ANKH: variants seen among roughly 807,000 people sequenced by gnomAD.
The protein encoded by ANKH is ANKH inorganic pyrophosphate transport regulator.
ANKH carries 15 observed loss-of-function variants against 49.0 expected under a neutral mutation model. The observed-to-expected ratio is 0.31, with a 90% CI of 0.20 to 0.47. The LOEUF (loss-of-function observed/expected upper bound fraction) is 0.47. Ranked by LOEUF, ANKH falls within the 20% of genes least tolerant of loss-of-function variation. The pLI, the probability that ANKH is intolerant of heterozygous loss-of-function variation, is 1.00. For missense variants in ANKH, 429 were observed against 652.0 expected (o/e 0.66, Z 3.72); for synonymous variants, 273 against 260.0 (o/e 1.05, Z -0.48).
intron 1 of ANKH, among the ~76,000 whole-genome samples, chr5:14,771,158 C>T (rs1561047741): frequency 6.6e-6 from 1 of 152,194 alleles, no homozygotes; most frequent in African/African-American, 2.4e-5. Flanking sequence ...AGAGGAAAGA[C>T]TGAATACAAC....
Position 14,705,583 on chromosome 5 carries a change from C to T in ANKH, c.*5614G>A, listed in dbSNP as rs1736916175. Reference sequence around the variant, plus strand: ...TGGCTCTTGTCCACTTTCCCGAAGCCCTTTGATTAACTCCTTGGCCCTACT... The same window carrying T: ...TGGCTCTTGTCCACTTTCCCGAAGCTCTTTGATTAACTCCTTGGCCCTACT... On this transcript the variant is annotated 3_prime_UTR_variant, in exon 12 of 12. Coordinates refer to ENST00000284268, the MANE Select transcript of ANKH (RefSeq NM_054027.6). The T allele has an allele frequency of 6.6e-6, 1 of 152,286 alleles. No homozygotes were observed. Among genetic ancestry groups the T allele is most frequent in the Non-Finnish European group, 1.5e-5 (1 of 68,048 alleles). The allele number at this position is 152,286 out of a possible 1,614,324, so 9.4% of individuals were successfully genotyped here.
chr5:14,837,185 A>G (rs1741679937), intron 1 of ANKH, among the ~76,000 whole-genome samples: 1 of 152,218 alleles, frequency 6.6e-6, no homozygotes, highest in Non-Finnish European at 1.5e-5. Context: ...AACCTAGGCA[A>G]TACCATTCAG....
chr5:14,716,195 A>G (rs1307930508), intron 9 of ANKH, among the ~76,000 whole-genome samples: 1 of 152,124 alleles, frequency 6.6e-6, no homozygotes, highest in Non-Finnish European at 1.5e-5. Context: ...TTTTGTAATC[A>G]CTGCACTTTT....
rs1267077422 is a variant in ANKH at position 14,737,326 on chromosome 5, C to T, written c.1011+4501G>A. Among the ~76,000 whole-genome samples, 1 of 152,138 alleles carries T rather than the reference C, an allele frequency of 6.6e-6. No homozygotes were observed. The highest frequency in any genetic ancestry group is 2.4e-5 in the African/African-American group (1 of 41,434). ...GAGTCCAGGAGGGCACCATGATAGG[C>T]CCCAGGGGTTTGTAGGAGGCTGGGT... On this transcript the variant is annotated intron_variant, in intron 8 of 11. Coordinates refer to ENST00000284268, the MANE Select transcript of ANKH (RefSeq NM_054027.6). This position sits in a 1 kb window ranked among gnomAD's most constrained non-coding sequence, Gnocchi z 5.0.
intron 1 of ANKH, among the ~76,000 whole-genome samples, chr5:14,817,852 T>C (rs1741084342): frequency 6.6e-6 from 1 of 152,070 alleles, no homozygotes; most frequent in Non-Finnish European, 1.5e-5. Context: ...AAAAGCAAGA[T>C]TTAAAGTAAC....
chr5:14,773,395 C>G (rs949871932), intron 1 of ANKH, among the ~76,000 whole-genome samples: 1 of 136,600 alleles, frequency 7.3e-6, no homozygotes, highest in South Asian at 2.3e-4. Flanking sequence ...AACACACCAG[C>G]CTGGGCTGAG....
At chr5:14,777,310 A>G (rs1480062083) in intron 1 of ANKH, among the ~76,000 whole-genome samples, 1 of 152,028 alleles carries the variant, frequency 6.6e-6, no homozygotes, top group Non-Finnish European at 1.5e-5. Flanking sequence ...AAACAAACAA[A>G]AACACCAAAC....
chr5:14,719,377 G>A (rs1737592233), intron 8 of ANKH, among the ~76,000 whole-genome samples: 1 of 152,228 alleles, frequency 6.6e-6, no homozygotes, highest in Admixed American at 6.5e-5. Flanking sequence ...GCCAAGGCAA[G>A]TGAGCCATGG....
At chr5:14,722,336 C>T (rs1225540677) in intron 8 of ANKH, among the ~76,000 whole-genome samples, 4 of 152,168 alleles carry the variant, frequency 2.6e-5, no homozygotes, top group Non-Finnish European at 5.9e-5. Context: ...AGTTTGCTGT[C>T]AATATTCTGT....
At chr5:14,833,248 G>A (rs57291145) in intron 1 of ANKH, among the ~76,000 whole-genome samples, 3,175 of 152,284 alleles carry the variant, frequency 0.021, 101 homozygotes, top group African/African-American at 0.072. Context: ...AGTTCTATCA[G>A]AGGAATTAAG....
At chr5:14,722,068 T>C (rs1018484202) in intron 8 of ANKH, among the ~76,000 whole-genome samples, 11 of 151,286 alleles carry the variant, frequency 7.3e-5, no homozygotes, top group African/African-American at 9.7e-5. Flanking sequence ...ATTTAACAAG[T>C]CCATTTGAAA....
intron 9 of ANKH, among the ~76,000 whole-genome samples, chr5:14,715,826 C>T (rs1682304037): frequency 6.6e-6 from 1 of 152,210 alleles, no homozygotes; most frequent in South Asian, 2.1e-4. Context: ...TAGTACACCT[C>T]ACACCACTAT....
intron 1 of ANKH, among the ~76,000 whole-genome samples, chr5:14,810,887 T>C (rs1345150747): frequency 6.6e-6 from 1 of 152,232 alleles, no homozygotes; most frequent in Non-Finnish European, 1.5e-5. Context: ...CCTAGACTAC[T>C]GGGTGGGATA....
chr5:14,765,904 C>T (rs1247831592), intron 2 of ANKH, among the ~76,000 whole-genome samples: 1 of 152,182 alleles, frequency 6.6e-6, no homozygotes, highest in Non-Finnish European at 1.5e-5. Context: ...GAAGAAGACC[C>T]TCCAGGGATT....
At chr5:14,727,533 G>A (rs1203297204) in intron 8 of ANKH, among the ~76,000 whole-genome samples, 1 of 151,652 alleles carries the variant, frequency 6.6e-6, no homozygotes, top group African/African-American at 2.4e-5. Context: ...AGCAGGGGGC[G>A]CCATGCGCCA....
chr5:14,796,476 C>CA lies in ANKH; in HGVS notation c.97-27286dup, dbSNP rs35183005. 5.9e-3 allele frequency among the ~76,000 whole-genome samples: 777 copies of CA among 132,588 alleles called. 6 individuals carry two copies. Among genetic ancestry groups the CA allele is most frequent in the African/African-American group, 0.019 (693 of 36,324 alleles). 87.0% of individuals were successfully genotyped at this position (132,588 alleles called of 152,430 possible). On this transcript the variant is annotated intron_variant, in intron 1 of 11. Transcript: ENST00000284268. Reference sequence around the variant, plus strand: ...GTTAAAAAAAAAAAACACACACCAACAAAAAAAAAAAAAACACCATTTCAC... The same window carrying CA: ...GTTAAAAAAAAAAAACACACACCAACAAAAAAAAAAAAAAACACCATTTCAC...
At chr5:14,751,730 CCT>C (rs767006336) in intron 4 of ANKH, among the ~76,000 whole-genome samples, 3 of 152,004 alleles carry the variant, frequency 2.0e-5, no homozygotes, top group Non-Finnish European at 2.9e-5. Context: ...AAAAAACACC[CCT>C]CAAGAATTGC....
intron 7 of ANKH, among the ~76,000 whole-genome samples, chr5:14,743,781 G>A (rs990541618): frequency 1.3e-5 from 2 of 152,210 alleles, no homozygotes; most frequent in African/African-American, 4.8e-5. Context: ...GGAGTAACTC[G>A]AAGTTCTGGT....
chr5:14,771,921 G>GAAAAA (rs869185652), intron 1 of ANKH, among the ~76,000 whole-genome samples: 5 of 53,380 alleles, frequency 9.4e-5, no homozygotes, highest in African/African-American at 2.1e-4. Context: ...CTCAAAAAAA[G>GAAAAA]AAAAAAAAAA....
Sources: allele counts gnomAD v4.1 joint callset (sites outside exome capture counted in the v4.1 genomes callset), GRCh38; gene constraint gnomAD v4.1.1; non-coding constraint Gnocchi (gnomAD v3.1); transcripts MANE v1.5; gene names NCBI Gene and HGNC (gene_info 2026-07-23, HGNC 2026-07-21).